Variants in MTMR9 observed in about 807,000 individuals in gnomAD.
MTMR9 encodes the protein myotubularin related protein 9, also known as myotubularin-related protein 9.
MTMR9 carries 39 observed loss-of-function variants against 69.5 expected under a neutral mutation model. The ratio of observed to expected loss-of-function variants is 0.56; its 90% CI spans 0.43 to 0.73. MTMR9 has a LOEUF of 0.73. MTMR9 is among the 30% of genes least tolerant of loss of function. The probability of loss-of-function intolerance (pLI) is 0.00; values close to 1 mark genes in which losing one functional copy is unlikely to be tolerated. For synonymous variants in MTMR9, 354 were observed against 240.8 expected (o/e 1.47, Z -4.35); for missense variants, 900 against 671.2 (o/e 1.34, Z -3.77).
chr8:11,339,457 A>G, the MTMR9 span, among the ~76,000 whole-genome samples: 1 of 152,250 alleles, frequency 6.6e-6, no homozygotes, highest in Non-Finnish European at 1.5e-5. Flanking sequence ...AGGGATGAGC[A>G]AACCCAGATC....
Position 11,327,585 on chromosome 8 carries a change from T to C in MTMR9, c.*4797T>C, listed in dbSNP as rs1207679258. ...ATACCATCTACACAAAAAAATGTTG[T>C]AGTTGCAGAACTTAGTTTATAAAAA... On this transcript the variant is annotated 3_prime_UTR_variant, in exon 10 of 10. Transcript: ENST00000221086. The C allele has an allele frequency of 6.6e-6, 1 of 152,660 alleles. No homozygotes were observed. The allele number at this position is 152,660 out of a possible 1,614,324, so 9.5% of individuals were successfully genotyped here.
At chr8:11,317,364 T>C (rs1440293833) in intron 8 of MTMR9, 1 of 152,310 alleles carries the variant, frequency 6.6e-6, no homozygotes, top group Non-Finnish European at 1.5e-5. Context: ...TTTCTTTGGA[T>C]TGGGTGGCAG....
Position 11,306,296 on chromosome 8 carries a change from T to C in MTMR9, c.698T>C (p.Ile233Thr). The change falls in exon 5 of 10, where the codon ATC becomes ACC. Residue 233 changes from isoleucine to threonine, a missense_variant. Physicochemically the swap from Ile to Thr is moderately conservative, Grantham distance 89. Coordinates refer to ENST00000221086, the MANE Select transcript of MTMR9 (RefSeq NM_015458.4). ...CTCAGGGCTGGAAAGCGTGGCTACA[T>C]CATTGACACCCGATCCCTGAACGTG... is the stretch of plus-strand genomic sequence containing the variant. ...ATLRAGKRGY[I>T]IDTRSLNVAQ... is the part of the protein sequence containing the mutation. The C allele has an allele frequency of 6.2e-7, 1 of 1,614,016 alleles. No individual in the cohort carries two copies. The highest frequency in any genetic ancestry group is 8.5e-7 in the Non-Finnish European group (1 of 1,179,966).
At chr8:11,311,164 C>T (rs1178847391) in intron 6 of MTMR9, among the ~76,000 whole-genome samples, 1 of 150,924 alleles carries the variant, frequency 6.6e-6, no homozygotes, top group Non-Finnish European at 1.5e-5. Context: ...ACATGCTCAT[C>T]CCCTTCAGCC....
Position 11,322,965 on chromosome 8 carries a change from C to T in MTMR9, c.*177C>T, listed in dbSNP as rs1403453542. ...GAATAATGAAACTTACTATCATAAA[C>T]CATGTTTCATGTGGCCTGTTAGGGC... On this transcript the variant is annotated 3_prime_UTR_variant, in exon 10 of 10. Transcript: ENST00000221086. The T allele has an allele frequency of 2.2e-6, 1 of 462,750 alleles. No individual in the cohort carries two copies. Among genetic ancestry groups the T allele is most frequent in the African/African-American group, 2.0e-5 (1 of 49,672 alleles). 28.7% of individuals were successfully genotyped at this position (462,750 alleles called of 1,614,324 possible).
downstream of MTMR9, among the ~76,000 whole-genome samples, chr8:11,330,272 C>T (rs867791833): frequency 8.7e-4 from 131 of 150,398 alleles, no homozygotes; most frequent in Middle Eastern, 0.018. Flanking sequence ...ACCGGCCAGC[C>T]GCCCTGTCCG....
chr8:11,330,925 A>AAAAG (rs200425364), downstream of MTMR9: 69 of 1,071,366 alleles, frequency 6.4e-5, no homozygotes, highest in South Asian at 2.7e-4. Flanking sequence ...AAAAAAAAAA[A>AAAAG]AAAGAAAGAA....
chr8:11,331,682 C>A, downstream of MTMR9: 2 of 1,612,036 alleles, frequency 1.2e-6, no homozygotes, highest in Non-Finnish European at 1.7e-6. Context: ...CCACCCTGGG[C>A]TATGTGCAGG....
intron 3 of MTMR9, among the ~76,000 whole-genome samples, chr8:11,304,074 AC>A (rs1269732518): frequency 1.3e-5 from 2 of 151,906 alleles, no homozygotes; most frequent in Non-Finnish European, 2.9e-5. Flanking sequence ...TTACTGTAAA[AC>A]CTTTTGACAG....
intron 6 of MTMR9, among the ~76,000 whole-genome samples, chr8:11,310,943 C>G (rs971341999): frequency 4.6e-5 from 7 of 152,136 alleles, no homozygotes; most frequent in Non-Finnish European, 8.8e-5. Context: ...CAGAGACTTC[C>G]AGACTCTTGG....
intron 2 of MTMR9, chr8:11,297,896 A>G (rs749605260): frequency 2.2e-6 from 1 of 456,188 alleles, no homozygotes; most frequent in Non-Finnish European, 4.4e-6. Flanking sequence ...TTTTCCTGGC[A>G]CAGAATCCCT....
Position 11,323,490 on chromosome 8 carries a change from A to G in MTMR9, c.*702A>G, listed in dbSNP as rs922972653. The G allele has an allele frequency of 5.3e-5, 8 of 152,278 alleles. No individual in the cohort carries two copies. Among genetic ancestry groups the G allele is most frequent in the South Asian group, 2.1e-4 (1 of 4,834 alleles). 9.4% of individuals were successfully genotyped at this position (152,278 alleles called of 1,614,324 possible). On this transcript the variant is annotated 3_prime_UTR_variant, in exon 10 of 10. Transcript: ENST00000221086. ...ACACTAAAAGTATGTGCAATATACA[A>G]TTAAAGTAGGAATTTGTTACTGATT... is the stretch of plus-strand genomic sequence containing the variant.
downstream of MTMR9, chr8:11,331,995 C>T: frequency 6.2e-7 from 1 of 1,611,866 alleles, no homozygotes; most frequent in Non-Finnish European, 8.5e-7. Context: ...CCTTATACTG[C>T]AGTATTATAT....
Position 11,291,192 on chromosome 8 carries a change from T to C in MTMR9, c.183-4002T>C, listed in dbSNP as rs77348269. Among the ~76,000 whole-genome samples the C allele has an allele frequency of 7.7e-3, 1,172 of 152,270 alleles. 14 individuals are homozygous for C. Among genetic ancestry groups the C allele is most frequent in the Non-Finnish European group, 0.011 (774 of 68,014 alleles). On this transcript the variant is annotated intron_variant, in intron 1 of 9. Coordinates refer to ENST00000221086, the MANE Select transcript of MTMR9 (RefSeq NM_015458.4). ...GAATTGTTTTGGATTTATAGATTAA[T>C]TGGAGTCAAATTGACATCTTGACAT...
intron 1 of MTMR9, among the ~76,000 whole-genome samples, chr8:11,294,384 G>A (rs1049523706): frequency 2.0e-5 from 3 of 151,528 alleles, no homozygotes; most frequent in African/African-American, 7.3e-5. Context: ...GGGGTTTTTT[G>A]TAAATGCCCT....
Position 11,316,529 on chromosome 8 carries a change from A to G in MTMR9, c.1114-144A>G, listed in dbSNP as rs191938461. 8.3e-6 allele frequency: 4 copies of G among 480,792 alleles called. 1 individual carries two copies. The highest frequency in any genetic ancestry group is 1.4e-5 in the Non-Finnish European group (4 of 279,228). 29.8% of individuals were successfully genotyped at this position (480,792 alleles called of 1,614,324 possible). On this transcript the variant is annotated intron_variant, in intron 7 of 9. Coordinates refer to ENST00000221086, the MANE Select transcript of MTMR9 (RefSeq NM_015458.4). ...GCTATTTATTTTATACCAAGAAATC[A>G]TTAATCTGTACAACAGCTACCCTAA...
chr8:11,299,869 C>G (rs376182947), intron 2 of MTMR9, among the ~76,000 whole-genome samples, 154 bp from the exon 3 acceptor site: 18 of 152,256 alleles, frequency 1.2e-4, no homozygotes, highest in African/African-American at 4.1e-4. Flanking sequence ...TTCAGTAAGA[C>G]TAAAATTGTA....
chr8:11,288,628 C>T (rs1201505886), intron 1 of MTMR9, among the ~76,000 whole-genome samples: 1 of 152,066 alleles, frequency 6.6e-6, no homozygotes. Context: ...AGTGTGGCTG[C>T]AGGGCAGGGA....
the MTMR9 span, among the ~76,000 whole-genome samples, chr8:11,338,304 A>C: frequency 6.6e-6 from 1 of 152,200 alleles, no homozygotes; most frequent in Non-Finnish European, 1.5e-5. Flanking sequence ...TGTTCTCCGG[A>C]GTGTCCAGAG....
Sources: allele counts gnomAD v4.1 joint callset (sites outside exome capture counted in the v4.1 genomes callset), GRCh38; gene constraint gnomAD v4.1.1; transcripts MANE v1.5; gene names NCBI Gene and HGNC (gene_info 2026-07-23, HGNC 2026-07-21).